Variants in ATXN7 observed in about 807,000 individuals in gnomAD.
ATXN7 encodes ataxin-7.
A neutral mutation model predicts 70.5 loss-of-function variants in ATXN7; 12 were observed. That is an observed-to-expected ratio of 0.17 (90% CI 0.11 to 0.28). The LOEUF (loss-of-function observed/expected upper bound fraction) is 0.28. ATXN7 is among the 10% of genes least tolerant of loss of function. The pLI, the probability that ATXN7 is intolerant of heterozygous loss-of-function variation, is 1.00. For missense variants in ATXN7, 1,256 were observed against 1,131.7 expected (o/e 1.11, Z -1.58); for synonymous variants, 498 against 448.7 (o/e 1.11, Z -1.39).
At chr3:63,989,721 C>T (rs566849472) in intron 9 of ATXN7, among the ~76,000 whole-genome samples, 2 of 152,142 alleles carry the variant, frequency 1.3e-5, no homozygotes, top group Non-Finnish European at 2.9e-5. Context: ...CCACTTTGTA[C>T]ATTTGTGGAT....
At chr3:63,942,087 T>A (rs947237714) in intron 4 of ATXN7, among the ~76,000 whole-genome samples, 3 of 152,120 alleles carry the variant, frequency 2.0e-5, no homozygotes, top group Non-Finnish European at 4.4e-5. Flanking sequence ...GAGCAGACAG[T>A]ACAGAGGTAC....
chr3:63,979,130 A>G (rs141299615), intron 5 of ATXN7, among the ~76,000 whole-genome samples: 170 of 152,370 alleles, frequency 1.1e-3, no homozygotes, highest in African/African-American at 4.1e-3. Context: ...ACCTTACTCT[A>G]AGAAAACCTG....
chr3:63,941,070 T>C (rs571037468), intron 4 of ATXN7, among the ~76,000 whole-genome samples: 2 of 152,362 alleles, frequency 1.3e-5, no homozygotes, highest in East Asian at 3.9e-4. Flanking sequence ...TTGCCTACTC[T>C]ATTCTATCCC....
chr3:63,914,686 AAAC>A (rs1704190366), intron 4 of ATXN7, among the ~76,000 whole-genome samples: 1 of 152,214 alleles, frequency 6.6e-6, no homozygotes, highest in Admixed American at 6.5e-5. Flanking sequence ...ATCTGTGTGA[AAAC>A]AAGATTGTAA....
At chr3:63,917,667 T>C (rs1704339133) in intron 4 of ATXN7, among the ~76,000 whole-genome samples, 1 of 152,210 alleles carries the variant, frequency 6.6e-6, no homozygotes, top group African/African-American at 2.4e-5. Flanking sequence ...CTGCATTATG[T>C]GATGGCTCCT....
rs148067153 is a variant in ATXN7 at position 63,969,665 on chromosome 3, G to T, written c.500-10250G>T. Reference sequence around the variant, plus strand: ...GTAATAGCCCATATGTTTCATTTGGGAAAACAGTGACCTAGACCAAATTGA... The same window carrying T: ...GTAATAGCCCATATGTTTCATTTGGTAAAACAGTGACCTAGACCAAATTGA... On this transcript the variant is annotated intron_variant, in intron 5 of 12. Coordinates refer to ENST00000674280, the MANE Select transcript of ATXN7 (RefSeq NM_001377405.1). 2.2e-3 allele frequency among the ~76,000 whole-genome samples: 330 copies of T among 152,168 alleles called. 2 individuals are homozygous for T. The highest frequency in any genetic ancestry group is 7.3e-3 in the African/African-American group (303 of 41,488).
intron 1 of ATXN7, among the ~76,000 whole-genome samples, chr3:63,870,138 C>G (rs577536305): frequency 6.8e-4 from 103 of 152,318 alleles, no homozygotes; most frequent in African/African-American, 2.4e-3. Flanking sequence ...CAGGAAAACA[C>G]TCATAGATAT....
At chr3:63,884,334 C>T (rs1172339181) in intron 1 of ATXN7, among the ~76,000 whole-genome samples, 1 of 151,900 alleles carries the variant, frequency 6.6e-6, no homozygotes, top group Non-Finnish European at 1.5e-5. Flanking sequence ...ACTGAAAGAG[C>T]TCCCAAAGGT....
At chr3:63,961,498 T>A in intron 5 of ATXN7, among the ~76,000 whole-genome samples, 1 of 152,124 alleles carries the variant, frequency 6.6e-6, no homozygotes, top group East Asian at 1.9e-4. Flanking sequence ...CTACTGTGAT[T>A]TGATGAACTA....
intron 4 of ATXN7, among the ~76,000 whole-genome samples, chr3:63,919,451 A>G (rs1704419561): frequency 6.6e-6 from 1 of 152,138 alleles, no homozygotes; most frequent in African/African-American, 2.4e-5. Flanking sequence ...TGAAGGGGAG[A>G]ATCTTCAAAA....
intron 4 of ATXN7, among the ~76,000 whole-genome samples, chr3:63,935,434 A>G (rs766636805): frequency 3.9e-5 from 6 of 152,182 alleles, no homozygotes; most frequent in Admixed American, 6.5e-5. Context: ...TTAAGGGTAC[A>G]TTAAAAAAAA....
chr3:63,968,575 C>G (rs1430221199), intron 5 of ATXN7: 1 of 152,072 alleles, frequency 6.6e-6, no homozygotes, highest in Non-Finnish European at 1.5e-5. Flanking sequence ...AACACTGCGT[C>G]AAGAGGAAGA....
At chr3:63,998,660 C>A (rs1046198061) in intron 12 of ATXN7, 1 of 985,258 alleles carries the variant, frequency 1.0e-6, no homozygotes, top group Non-Finnish European at 1.2e-6. Context: ...AGCAGGGGTG[C>A]TTGCTTAGAG....
intron 4 of ATXN7, among the ~76,000 whole-genome samples, chr3:63,937,597 C>T (rs1261439281): frequency 1.3e-5 from 2 of 152,240 alleles, no homozygotes; most frequent in South Asian, 2.1e-4. Flanking sequence ...TAATGTAAGA[C>T]GCTGGGTCAC....
At chr3:63,960,694 G>A (rs2075114583) in intron 5 of ATXN7, among the ~76,000 whole-genome samples, 1 of 152,182 alleles carries the variant, frequency 6.6e-6, no homozygotes, top group Admixed American at 6.5e-5. Context: ...TGAGCTTATG[G>A]ATCAGGAGGT....
chr3:63,945,138 G>A (rs1223787184), intron 4 of ATXN7, among the ~76,000 whole-genome samples: 1 of 152,166 alleles, frequency 6.6e-6, no homozygotes, highest in Admixed American at 6.5e-5. Flanking sequence ...ATTACTATCA[G>A]TAGTACTAAG....
At chr3:63,892,656 T>A (rs1703318534) in intron 1 of ATXN7, among the ~76,000 whole-genome samples, 1 of 152,230 alleles carries the variant, frequency 6.6e-6, no homozygotes, top group Non-Finnish European at 1.5e-5. Context: ...TCCACTGGCC[T>A]AATTGCGGGT....
At chr3:63,956,343 C>T (rs576880604) in intron 5 of ATXN7, among the ~76,000 whole-genome samples, 4 of 141,142 alleles carry the variant, frequency 2.8e-5, no homozygotes, top group African/African-American at 1.1e-4. Context: ...ATGGCGTGAA[C>T]GCTGGAGGTG....
At chr3:63,895,071 A>G (rs550632132) in intron 1 of ATXN7, among the ~76,000 whole-genome samples, 7 of 152,298 alleles carry the variant, frequency 4.6e-5, no homozygotes, top group South Asian at 4.1e-4. Flanking sequence ...TGCCCTCTCC[A>G]AGAACCTAGG....
Sources: allele counts gnomAD v4.1 joint callset (sites outside exome capture counted in the v4.1 genomes callset), GRCh38; gene constraint gnomAD v4.1.1; transcripts MANE v1.5; gene names NCBI Gene and HGNC (gene_info 2026-07-23, HGNC 2026-07-21).